The following DOCK2 variants were observed in gnomAD, a reference collection of about 807,000 sequenced individuals.
The protein encoded by DOCK2 is dedicator of cytokinesis protein 2.
DOCK2 carries 87 observed loss-of-function variants against 248.9 expected under a neutral mutation model. That is an observed-to-expected ratio of 0.35 (90% CI 0.29 to 0.42). The LOEUF (loss-of-function observed/expected upper bound fraction) is 0.42. Ranked by LOEUF, DOCK2 falls within the 10% of genes least tolerant of loss-of-function variation. The probability of loss-of-function intolerance (pLI) is 1.00; values close to 1 mark genes in which losing one functional copy is unlikely to be tolerated. For synonymous variants in DOCK2, 805 were observed against 821.6 expected (o/e 0.98, Z 0.35); for missense variants, 1,747 against 2,300.2 (o/e 0.76, Z 4.92).
rs1193443481 is a variant in DOCK2, at chr5:169,882,883, A to C, written c.2799+42031A>C. The C allele has an allele frequency of 1.2e-5, 19 of 1,551,682 alleles. No individual in the cohort carries two copies. In the East Asian group the frequency reaches 4.6e-4, roughly 38 times the overall value. On this transcript the variant is annotated intron_variant, in intron 27 of 51. Transcript: ENST00000520908. ...TGCACTGTTAGTTTTGAGTGACACC[A>C]GATTCTGGTGATTGTTACTTGATGA... is the stretch of plus-strand genomic sequence containing the variant.
intron 27 of DOCK2, among the ~76,000 whole-genome samples, chr5:169,876,259 C>A (rs1251179324): frequency 6.6e-6 from 1 of 152,226 alleles, no homozygotes; most frequent in Non-Finnish European, 1.5e-5. Context: ...TCTGCAAAGT[C>A]CCTTTTGCCA....
chr5:169,714,110 C>T lies in DOCK2; in HGVS notation c.1742C>T (p.Thr581Met), dbSNP rs140817788. The change falls in exon 18 of 52, where the codon ACG becomes ATG. Residue 581 changes from threonine to methionine, a missense_variant. Transcript: ENST00000520908. ...CACCATGTGGAAAACAAGGGGGCCA[C>T]GCTGAGCAGGAGCTCCAGCAGTGTT... is the stretch of plus-strand genomic sequence containing the variant. ...YRHHVENKGA[T>M]LSRSSSSVGG... is the part of the protein sequence containing the mutation. 1.1e-4 allele frequency: 170 copies of T among 1,613,838 alleles called. No individual in the cohort carries two copies. Among genetic ancestry groups the T allele is most frequent in the African/African-American group, 6.8e-4 (51 of 75,016 alleles).
At chr5:169,988,679 A>G (rs1159876399) in intron 29 of DOCK2, among the ~76,000 whole-genome samples, 1 of 151,986 alleles carries the variant, frequency 6.6e-6, no homozygotes, top group Non-Finnish European at 1.5e-5. Flanking sequence ...TGCTCAGCTA[A>G]TTTTGTATTT....
intron 2 of DOCK2, among the ~76,000 whole-genome samples, chr5:169,658,798 T>A (rs911651152): frequency 6.6e-6 from 1 of 151,616 alleles, no homozygotes; most frequent in African/African-American, 2.4e-5. Flanking sequence ...TAGTCCTAGC[T>A]ACCTGGGAGG....
chr5:169,993,926 T>G (rs1395788656), intron 29 of DOCK2, among the ~76,000 whole-genome samples: 1 of 152,216 alleles, frequency 6.6e-6, no homozygotes, highest in Non-Finnish European at 1.5e-5. Context: ...ACTTCTTATA[T>G]GCAAATGTGT....
intron 41 of DOCK2, among the ~76,000 whole-genome samples, 153 bp downstream of exon 41, chr5:170,050,550 C>T (rs1756878315): frequency 6.6e-6 from 1 of 152,164 alleles, no homozygotes; most frequent in South Asian, 2.1e-4. Flanking sequence ...TCTTTGGATC[C>T]ATGTTCTTTG....
At chr5:169,686,493 A>C (rs1486500504) in intron 8 of DOCK2, among the ~76,000 whole-genome samples, 1 of 152,168 alleles carries the variant, frequency 6.6e-6, no homozygotes, top group Non-Finnish European at 1.5e-5. Context: ...AGAGAGGAGG[A>C]CAAAGGGGGC....
At position 169,915,557 on chromosome 5, in the gene DOCK2, A is replaced by AACACACACAC. The variant is rs56728646; in HGVS notation, c.2800-67475_2800-67466dup. Among the ~76,000 whole-genome samples the AACACACACAC allele has an allele frequency of 2.4e-4, 35 of 143,486 alleles. 1 individual carries two copies. The highest frequency in any genetic ancestry group is 7.0e-4 in the African/African-American group (27 of 38,662). 94.1% of individuals were successfully genotyped at this position (143,486 alleles called of 152,430 possible). A position where few individuals can be genotyped will look rare whatever the true frequency, so the allele number is the denominator to read the frequency against. On this transcript the variant is annotated intron_variant, in intron 27 of 51. Coordinates refer to ENST00000520908, the MANE Select transcript of DOCK2 (RefSeq NM_004946.3). ...GAAAATATTTGAGGAATTGACAGGG[A>AACACACACAC]ACACACACACACACACACACACACA...
chr5:169,972,586 TGATAGATAGATAGATA>T (rs1554122914), intron 27 of DOCK2, among the ~76,000 whole-genome samples: 2 of 68,956 alleles, frequency 2.9e-5, no homozygotes, highest in African/African-American at 1.4e-4. Context: ...GATAGATAGA[TGATAGATAGATAGATA>T]GATAGATAGA....
intron 36 of DOCK2, among the ~76,000 whole-genome samples, chr5:170,040,242 T>C (rs1486377650): frequency 1.3e-5 from 2 of 152,226 alleles, no homozygotes; most frequent in Non-Finnish European, 2.9e-5. Context: ...GAGAAGTTAA[T>C]TCACTGCCCC....
intron 23 of DOCK2, among the ~76,000 whole-genome samples, chr5:169,756,245 G>A (rs1469310931): frequency 6.6e-6 from 1 of 152,216 alleles, no homozygotes; most frequent in African/African-American, 2.4e-5. Flanking sequence ...AAGCATGTAA[G>A]TGTGCGGGCT....
intron 26 of DOCK2, among the ~76,000 whole-genome samples, chr5:169,815,996 T>C (rs1489331228): frequency 6.6e-6 from 1 of 152,226 alleles, no homozygotes; most frequent in East Asian, 1.9e-4. Flanking sequence ...GGGCAGCCAC[T>C]TGGTTTCCAA....
chr5:169,928,009 T>A (rs2113672489), intron 27 of DOCK2, among the ~76,000 whole-genome samples: 1 of 152,238 alleles, frequency 6.6e-6, no homozygotes, highest in South Asian at 2.1e-4. Context: ...AACTCACAGA[T>A]CCATGTGTGT....
intron 23 of DOCK2, among the ~76,000 whole-genome samples, chr5:169,755,268 A>G (rs1335155097): frequency 6.6e-6 from 1 of 152,094 alleles, no homozygotes; most frequent in Admixed American, 6.6e-5. Context: ...AAAACCCTAT[A>G]ATTCATAATC....
At chr5:170,066,051 A>T (rs547889647) in intron 44 of DOCK2, among the ~76,000 whole-genome samples, 3 of 148,746 alleles carry the variant, frequency 2.0e-5, no homozygotes, top group African/African-American at 7.5e-5. Flanking sequence ...TCCTGGGCTC[A>T]TGCCATTCTC....
At chr5:170,025,975 C>T (rs1755901187) in intron 33 of DOCK2, among the ~76,000 whole-genome samples, 1 of 152,026 alleles carries the variant, frequency 6.6e-6, no homozygotes, top group Non-Finnish European at 1.5e-5. Context: ...TCTGGAATGC[C>T]TTCCTTTTCA....
intron 27 of DOCK2, among the ~76,000 whole-genome samples, chr5:169,934,250 A>G (rs1284800016): frequency 6.6e-6 from 1 of 152,142 alleles, no homozygotes; most frequent in Non-Finnish European, 1.5e-5. Flanking sequence ...ATTCCTTGGA[A>G]CAAGAAGAGT....
At chr5:169,992,159 A>G (rs1326307043) in intron 29 of DOCK2, among the ~76,000 whole-genome samples, 1 of 152,154 alleles carries the variant, frequency 6.6e-6, no homozygotes, top group Non-Finnish European at 1.5e-5. Flanking sequence ...ACCTAAACTC[A>G]CGTCTCTAAA....
intron 20 of DOCK2, 101 bp from the exon 21 acceptor site, chr5:169,717,283 C>T (rs1439344517): frequency 7.4e-6 from 7 of 940,932 alleles, no homozygotes. Context: ...TGAGCTAATT[C>T]CTGGGCAAAG....
Sources: allele counts gnomAD v4.1 joint callset (sites outside exome capture counted in the v4.1 genomes callset), GRCh38; gene constraint gnomAD v4.1.1; transcripts MANE v1.5; gene names NCBI Gene and HGNC (gene_info 2026-07-23, HGNC 2026-07-21).